NEBL: variants seen among roughly 807,000 people sequenced by gnomAD.
The protein encoded by NEBL is nebulette, also known as LIM and SH3 protein 2.
Under a neutral mutation model 140.2 loss-of-function variants are expected in NEBL, and 122 were observed. The ratio of observed to expected loss-of-function variants is 0.87; its 90% CI spans 0.75 to 1.01. The LOEUF is 1.01. Ranked by LOEUF, NEBL falls within the 50% of genes least tolerant of loss-of-function variation. The pLI, the probability that NEBL is intolerant of heterozygous loss-of-function variation, is 0.00. For missense variants in NEBL, 1,365 were observed against 1,231.3 expected, an observed-to-expected ratio of 1.11 and a Z score of -1.62; for synonymous variants, 436 against 398.9, an observed-to-expected ratio of 1.09 and a Z score of -1.11.
At chr10:21,110,665 G>C (rs1413521163) in intron 2 of NEBL, 2 of 443,016 alleles carry the variant, frequency 4.5e-6, no homozygotes, top group Non-Finnish European at 8.9e-6. Flanking sequence ...TCCTACCTAA[G>C]CATATGCCAC....
At chr10:20,915,657 G>A (rs944729647) in intron 4 of NEBL, among the ~76,000 whole-genome samples, 2 of 151,682 alleles carry the variant, frequency 1.3e-5, no homozygotes, top group African/African-American at 2.4e-5. Flanking sequence ...GTCTATCATT[G>A]TTGGACATTT....
At chr10:21,249,610 T>G (rs1842561913) in intron 2 of NEBL, among the ~76,000 whole-genome samples, 2 of 150,288 alleles carry the variant, frequency 1.3e-5, no homozygotes, top group African/African-American at 4.8e-5. Context: ...TTTTTATATT[T>G]TATTTTTATC....
chr10:20,939,041 C>T (rs561857460), intron 4 of NEBL, among the ~76,000 whole-genome samples: 49 of 152,220 alleles, frequency 3.2e-4, no homozygotes, highest in African/African-American at 1.1e-3. Context: ...AGAACTTCCC[C>T]AATCTAGCAA....
chr10:20,900,541 G>A (rs1246135517), upstream of NEBL, among the ~76,000 whole-genome samples: 4 of 151,816 alleles, frequency 2.6e-5, no homozygotes, highest in Non-Finnish European at 5.9e-5. Flanking sequence ...AGCCGGGCAT[G>A]GGCTGGGTGC....
intron 3 of NEBL, among the ~76,000 whole-genome samples, chr10:21,212,152 GACA>G (rs1024001815): frequency 2.0e-5 from 3 of 151,464 alleles, no homozygotes; most frequent in East Asian, 1.9e-4. Flanking sequence ...ACATCTGAGT[GACA>G]ACACTATATA....
intron 2 of NEBL, among the ~76,000 whole-genome samples, chr10:21,118,198 G>A (rs1243287157): frequency 1.3e-5 from 2 of 152,098 alleles, no homozygotes; most frequent in Non-Finnish European, 2.9e-5. Flanking sequence ...ATGCCTGACA[G>A]GAACATCTCC....
At chr10:21,249,263 T>G (rs1041074567) in intron 2 of NEBL, among the ~76,000 whole-genome samples, 3 of 152,234 alleles carry the variant, frequency 2.0e-5, no homozygotes, top group African/African-American at 7.2e-5. Flanking sequence ...ATTCTGGATA[T>G]TAATCCTTTA....
chr10:20,944,606 C>G (rs1179534367), intron 4 of NEBL, among the ~76,000 whole-genome samples: 3 of 152,158 alleles, frequency 2.0e-5, no homozygotes, highest in Non-Finnish European at 2.9e-5. Flanking sequence ...GGTTTGCACT[C>G]TCTCACACCT....
intron 2 of NEBL, among the ~76,000 whole-genome samples, chr10:21,145,035 AAAAAT>A (rs1220159123): frequency 2.0e-5 from 3 of 152,204 alleles, no homozygotes; most frequent in Non-Finnish European, 4.4e-5. Context: ...AAAATGGCAA[AAAAAT>A]AAAATAAAAG....
rs186352589 is a variant in NEBL at position 21,157,613 on chromosome 10, A to G, written c.164+14770T>C. Among the ~76,000 whole-genome samples the G allele has an allele frequency of 2.6e-5, 4 of 152,310 alleles. No individual in the cohort carries two copies. In the East Asian group the frequency reaches 7.7e-4, roughly 29 times the overall value. ...TGACAGCATTGAATTTGTTTTATAA[A>G]ATTCTTCAGTTCACTGTGTATATAT... On this transcript the variant is annotated intron_variant, in intron 2 of 6. Coordinates refer to the NEBL transcript ENST00000417816.
chr10:20,848,716 T>C (rs1842194977), intron 11 of NEBL, among the ~76,000 whole-genome samples: 1 of 151,902 alleles, frequency 6.6e-6, no homozygotes, highest in South Asian at 2.1e-4. Flanking sequence ...CCTAAAACCA[T>C]CCCCTCCAAC....
In NEBL at chr10:20,880,102, C is replaced by T. The variant is rs144463910; in HGVS notation, c.480+692G>A. Among the ~76,000 whole-genome samples the T allele has an allele frequency of 2.4e-3, 365 of 152,288 alleles. 12 individuals carry two copies. In the East Asian group the frequency reaches 0.053, roughly 22 times the overall value. Reference sequence around the variant, plus strand: ...AATAGGCCAGGCACGGTGGCTCGTGCCTGTAATCCCAGCACTTTGGGAGGT... The same window carrying T: ...AATAGGCCAGGCACGGTGGCTCGTGTCTGTAATCCCAGCACTTTGGGAGGT... On this transcript the variant is annotated intron_variant, in intron 5 of 27. Transcript: ENST00000377122.
chr10:20,795,201 G>A (rs758422943), intron 26 of NEBL, among the ~76,000 whole-genome samples: 10 of 152,068 alleles, frequency 6.6e-5, no homozygotes, highest in East Asian at 3.9e-4. Context: ...AAAAGGAGGC[G>A]GTCAACCCTT....
intron 4 of NEBL, among the ~76,000 whole-genome samples, chr10:20,923,920 GC>G (rs1357435147): frequency 6.6e-6 from 1 of 151,930 alleles, no homozygotes; most frequent in Non-Finnish European, 1.5e-5. Context: ...CACATTCCCA[GC>G]CTACATTTCC....
intron 3 of NEBL, among the ~76,000 whole-genome samples, chr10:21,014,652 T>G (rs1838484082): frequency 6.6e-6 from 1 of 152,192 alleles, no homozygotes; most frequent in African/African-American, 2.4e-5. Context: ...TCCATCTTAC[T>G]GGATGGTTAG....
At position 20,932,738 on chromosome 10, in the gene NEBL, G is replaced by T. The variant is rs190664343; in HGVS notation, c.357+28934C>A. Among the ~76,000 whole-genome samples, 37 of 152,216 alleles carry T rather than the reference G, an allele frequency of 2.4e-4. No homozygotes were observed. In the East Asian group the frequency reaches 6.8e-3, roughly 28 times the overall value. On this transcript the variant is annotated intron_variant, in intron 4 of 6. Coordinates refer to the NEBL transcript ENST00000417816. Reference sequence around the variant, plus strand: ...ATATTTACATAAAACCATTTTATTTGTCGATACTAATCGTTGTGCTATTTC... The same window carrying T: ...ATATTTACATAAAACCATTTTATTTTTCGATACTAATCGTTGTGCTATTTC...
At chr10:21,073,773 T>C (rs1210319944) in intron 2 of NEBL, among the ~76,000 whole-genome samples, 1 of 151,770 alleles carries the variant, frequency 6.6e-6, no homozygotes, top group Non-Finnish European at 1.5e-5. Context: ...AGGAGATGAA[T>C]GCTATGAAAT....
At chr10:21,160,959 T>C (rs1840535435) in intron 2 of NEBL, among the ~76,000 whole-genome samples, 2 of 152,224 alleles carry the variant, frequency 1.3e-5, no homozygotes, top group South Asian at 4.1e-4. Context: ...AACAGAGTCA[T>C]AACAAAGTGA....
At chr10:21,051,038 T>A (rs572471033) in intron 2 of NEBL, among the ~76,000 whole-genome samples, 1 of 152,286 alleles carries the variant, frequency 6.6e-6, no homozygotes. Flanking sequence ...AGAATATCCT[T>A]CTTCTTTAGA....
Sources: allele counts gnomAD v4.1 joint callset (sites outside exome capture counted in the v4.1 genomes callset), GRCh38; gene constraint gnomAD v4.1.1; transcripts MANE v1.5; gene names NCBI Gene and HGNC (gene_info 2026-07-23, HGNC 2026-07-21).